The following PTPRD variants were observed in gnomAD, a reference collection of about 807,000 sequenced individuals.
PTPRD encodes the protein receptor-type tyrosine-protein phosphatase delta.
In PTPRD, 34 loss-of-function variants were observed where a neutral mutation model predicts 214.5. That is an observed-to-expected ratio of 0.16 (90% CI 0.12 to 0.21). The LOEUF is 0.21. Ranked by LOEUF, PTPRD falls within the 10% of genes least tolerant of loss-of-function variation. The pLI is 1.00. For synonymous variants in PTPRD, 1,128 were observed against 845.7 expected, an observed-to-expected ratio of 1.33 and a Z score of -5.79; for missense variants, 2,545 against 2,398.7, an observed-to-expected ratio of 1.06 and a Z score of -1.27.
At position 9,537,611 on chromosome 9, in the gene PTPRD, C is replaced by T. The variant is rs182858052; in HGVS notation, c.-237+37121G>A. On this transcript the variant is annotated intron_variant, in intron 8 of 45. Coordinates refer to ENST00000381196, the MANE Select transcript of PTPRD (RefSeq NM_002839.4). ...TTGGGTGCCTGTTCTTAGACTAAGG[C>T]ATAGTTCAATAGAATTCCCAGTGAA... Among the ~76,000 whole-genome samples the T allele has an allele frequency of 5.9e-5, 9 of 152,022 alleles. No individual in the cohort carries two copies. In the East Asian group the frequency reaches 1.6e-3, roughly 26 times the overall value.
chr9:9,101,670 G>T (rs1346704222), intron 10 of PTPRD, among the ~76,000 whole-genome samples: 2 of 152,114 alleles, frequency 1.3e-5, no homozygotes, highest in East Asian at 3.9e-4. Context: ...ACAACTTGAG[G>T]AGCTAAAGAC....
chr9:8,506,255 T>C (rs1490763843), intron 22 of PTPRD, among the ~76,000 whole-genome samples: 1 of 152,206 alleles, frequency 6.6e-6, no homozygotes, highest in Non-Finnish European at 1.5e-5. Flanking sequence ...AGATTTTTTT[T>C]TCAGATAAAA....
chr9:9,793,044 T>G (rs1302058209), intron 5 of PTPRD, among the ~76,000 whole-genome samples: 1 of 152,166 alleles, frequency 6.6e-6, no homozygotes, highest in Non-Finnish European at 1.5e-5. Context: ...AATGACCTTG[T>G]AACTTCTGGA....
chr9:10,238,611 C>T (rs368065680), intron 3 of PTPRD, among the ~76,000 whole-genome samples: 6 of 151,858 alleles, frequency 4.0e-5, no homozygotes, highest in African/African-American at 1.4e-4. Flanking sequence ...TAAATGTATA[C>T]AATTTCATCA....
At chr9:8,418,766 A>C (rs910031643) in intron 35 of PTPRD, among the ~76,000 whole-genome samples, 25 of 152,102 alleles carry the variant, frequency 1.6e-4, no homozygotes, top group African/African-American at 6.0e-4. Flanking sequence ...ACTTTACAGC[A>C]ATTATACTGA....
At chr9:9,183,809 C>T (rs79122511) in intron 9 of PTPRD, among the ~76,000 whole-genome samples, 7,087 of 152,010 alleles carry the variant, frequency 0.047, 240 homozygotes, top group East Asian at 0.14. Context: ...TAAACCTTGG[C>T]AGCCAAGCTA....
intron 2 of PTPRD, among the ~76,000 whole-genome samples, chr9:10,345,658 C>G (rs1478516229): frequency 6.6e-6 from 1 of 152,200 alleles, no homozygotes; most frequent in Non-Finnish European, 1.5e-5. Context: ...TTTTTCCAGT[C>G]TATCATTGAT....
intron 7 of PTPRD, among the ~76,000 whole-genome samples, chr9:9,673,764 G>A (rs985162700): frequency 1.3e-5 from 2 of 150,636 alleles, no homozygotes; most frequent in East Asian, 3.9e-4. Context: ...AACTTCAATG[G>A]TAGAAATACA....
intron 7 of PTPRD, among the ~76,000 whole-genome samples, chr9:9,664,172 G>A (rs1428902877): frequency 6.7e-6 from 1 of 149,958 alleles, no homozygotes; most frequent in Non-Finnish European, 1.5e-5. Flanking sequence ...TACACAGCCT[G>A]GCTTTAAAAT....
At chr9:10,275,078 C>G (rs1325964963) in intron 3 of PTPRD, among the ~76,000 whole-genome samples, 1 of 152,142 alleles carries the variant, frequency 6.6e-6, no homozygotes, top group African/African-American at 2.4e-5. Flanking sequence ...AATAGGGCTG[C>G]TATGTATGTT....
At chr9:8,384,588 T>G (rs763328113) in intron 37 of PTPRD, among the ~76,000 whole-genome samples, 3 of 152,138 alleles carry the variant, frequency 2.0e-5, no homozygotes, top group Non-Finnish European at 4.4e-5. Context: ...AGTACAATGG[T>G]GCAATCTTGG....
At chr9:9,678,406 A>C (rs1201129426) in intron 7 of PTPRD, among the ~76,000 whole-genome samples, 1 of 152,092 alleles carries the variant, frequency 6.6e-6, no homozygotes, top group Non-Finnish European at 1.5e-5. Flanking sequence ...GCCCTCAGAA[A>C]TAATGCCGCA....
At chr9:8,839,080 G>A (rs1340845814) in intron 11 of PTPRD, among the ~76,000 whole-genome samples, 1 of 152,028 alleles carries the variant, frequency 6.6e-6, no homozygotes, top group East Asian at 1.9e-4. Context: ...CAGTCAATAT[G>A]CCTAATATAT....
chr9:9,625,417 A>T (rs973931932), intron 7 of PTPRD, among the ~76,000 whole-genome samples: 3 of 152,132 alleles, frequency 2.0e-5, no homozygotes, highest in Admixed American at 1.3e-4. Flanking sequence ...TTCGCACTGT[A>T]TTAATAGCAC....
chr9:10,344,027 G>C (rs1349235292), intron 2 of PTPRD, among the ~76,000 whole-genome samples: 3 of 72,578 alleles, frequency 4.1e-5, no homozygotes, highest in Non-Finnish European at 7.6e-5. Flanking sequence ...AAGCTCTTTA[G>C]TTTAATTAGA....
chr9:8,552,529 G>C (rs575196558), intron 14 of PTPRD, among the ~76,000 whole-genome samples: 50 of 152,246 alleles, frequency 3.3e-4, no homozygotes, highest in African/African-American at 1.1e-3. Context: ...TGAAGAAGCA[G>C]CCCTGGGAGA....
chr9:10,377,544 G>T (rs760145514), intron 2 of PTPRD, among the ~76,000 whole-genome samples: 1 of 151,002 alleles, frequency 6.6e-6, no homozygotes, highest in Non-Finnish European at 1.5e-5. Flanking sequence ...GGCGATGTTT[G>T]TTTTTTTTGT....
chr9:10,394,180 A>ATATACATAGATATCTT (rs1565755045), intron 2 of PTPRD, among the ~76,000 whole-genome samples: 2 of 137,946 alleles, frequency 1.4e-5, no homozygotes, highest in African/African-American at 5.2e-5. Flanking sequence ...ATATATATCT[A>ATATACATAGATATCTT]TATATAAAGA....
chr9:9,487,471 T>A (rs1453837560), intron 8 of PTPRD, among the ~76,000 whole-genome samples: 3 of 152,178 alleles, frequency 2.0e-5, no homozygotes, highest in African/African-American at 4.8e-5. Context: ...TGTTGGATAT[T>A]TGGGTCGGTT....
Sources: allele counts gnomAD v4.1 joint callset (sites outside exome capture counted in the v4.1 genomes callset), GRCh38; gene constraint gnomAD v4.1.1; transcripts MANE v1.5; gene names NCBI Gene and HGNC (gene_info 2026-07-23, HGNC 2026-07-21).